Variants in COA1 observed in about 807,000 individuals in gnomAD.
COA1 encodes cytochrome c oxidase assembly factor 1 homolog.
In COA1, 13 loss-of-function variants were observed where a neutral mutation model predicts 16.0. The observed-to-expected ratio is 0.81, with a 90% confidence interval of 0.53 to 1.29. COA1 has a LOEUF of 1.29. COA1 is among the 50% of genes most tolerant of loss of function. The pLI is 0.00. For synonymous variants in COA1, 65 were observed against 65.7 expected, an observed-to-expected ratio of 0.99 and a Z score of 0.05; for missense variants, 179 against 177.0, an observed-to-expected ratio of 1.01 and a Z score of -0.06.
chr7:43,704,615 T>A (rs563963476), intron 1 of COA1, among the ~76,000 whole-genome samples: 1 of 152,242 alleles, frequency 6.6e-6, no homozygotes, highest in Non-Finnish European at 1.5e-5. Flanking sequence ...TATTAACACT[T>A]CCAATTGCAT....
intron 6 of COA1, among the ~76,000 whole-genome samples, chr7:43,610,634 T>C (rs1337067388): frequency 6.6e-6 from 1 of 152,092 alleles, no homozygotes; most frequent in Non-Finnish European, 1.5e-5. Context: ...GCCATTGCAC[T>C]CTAGCCTAGG....
intron 1 of COA1, chr7:43,649,933 G>T (rs1208381251): frequency 1.3e-5 from 2 of 152,286 alleles, no homozygotes; most frequent in African/African-American, 4.8e-5. Context: ...CAGGGCATCA[G>T]CGGAGGTTTC....
chr7:43,640,602 G>GACCT lies in COA1; in HGVS notation c.311_312insAGGT (p.His105GlyfsTer15), dbSNP rs766408635. 1 of 1,608,998 alleles carries GACCT rather than the reference G, an allele frequency of 6.2e-7. No individual in the cohort carries two copies. The highest frequency in any genetic ancestry group is 1.1e-5 in the South Asian group (1 of 90,064). ...GAAAGGGGCCACCTCTGGATGAGTG[G>GACCT]ACGTAGAGAAGGCCCTCTGATTTGG... On this transcript the variant is annotated frameshift_variant, in exon 5 of 6. Transcript: ENST00000223336. LOFTEE classifies it low-confidence loss of function (END_TRUNC).
At chr7:43,650,519 G>A (rs2090522351) in intron 1 of COA1, 1 of 152,134 alleles carries the variant, frequency 6.6e-6, no homozygotes, top group African/African-American at 2.4e-5. Flanking sequence ...TTTCCTCAAG[G>A]TGCCACATAT....
intron 1 of COA1, among the ~76,000 whole-genome samples, chr7:43,688,427 C>G (rs982589653): frequency 6.6e-6 from 1 of 152,018 alleles, no homozygotes; most frequent in African/African-American, 2.4e-5. Flanking sequence ...GTATTATGTA[C>G]CCTCAGAAGC....
At chr7:43,650,992 G>A (rs113187676) in intron 1 of COA1, among the ~76,000 whole-genome samples, 1 of 152,126 alleles carries the variant, frequency 6.6e-6, no homozygotes, top group African/African-American at 2.4e-5. Context: ...GGGGCAGCAG[G>A]GGCTCCTTTT....
intron 6 of COA1, chr7:43,623,447 C>A: frequency 1.4e-6 from 1 of 735,102 alleles, no homozygotes; most frequent in South Asian, 1.6e-5. Context: ...TTATGGTAAC[C>A]TTTCATTTTA....
chr7:43,616,821 T>C (rs2083395083), intron 6 of COA1, among the ~76,000 whole-genome samples: 1 of 152,040 alleles, frequency 6.6e-6, no homozygotes, highest in Non-Finnish European at 1.5e-5. Context: ...GGCCTGAACC[T>C]GGGAGGTGGA....
chr7:43,622,144 C>G (rs929974451), intron 6 of COA1: 22 of 152,204 alleles, frequency 1.4e-4, no homozygotes, highest in African/African-American at 5.1e-4. Flanking sequence ...ATTTCCTGTA[C>G]CCTTCCTCCC....
intron 1 of COA1, among the ~76,000 whole-genome samples, chr7:43,695,870 C>T (rs1400944050): frequency 6.6e-6 from 1 of 152,174 alleles, no homozygotes; most frequent in Non-Finnish European, 1.5e-5. Flanking sequence ...ATCCTAGACC[C>T]CAGGGCCTAC....
intron 1 of COA1, among the ~76,000 whole-genome samples, chr7:43,694,093 C>T (rs2094456025): frequency 6.7e-6 from 1 of 149,640 alleles, no homozygotes; most frequent in Admixed American, 6.7e-5. Flanking sequence ...TCTATGGATG[C>T]ATGCTCTGTG....
At chr7:43,644,734 A>T (rs2088367221) in intron 4 of COA1, among the ~76,000 whole-genome samples, 1 of 84,714 alleles carries the variant, frequency 1.2e-5, no homozygotes, top group Admixed American at 1.4e-4. Context: ...AGATAGATAG[A>T]TAGATAGATA....
chr7:43,728,026 G>A (rs576574676), intron 1 of COA1, among the ~76,000 whole-genome samples: 1 of 150,138 alleles, frequency 6.7e-6, no homozygotes, highest in Non-Finnish European at 1.5e-5. Flanking sequence ...CCAGGCTGGA[G>A]TGCAGTGGCG....
chr7:43,641,824 G>C (rs974398159), intron 4 of COA1: 3 of 152,176 alleles, frequency 2.0e-5, no homozygotes, highest in African/African-American at 7.2e-5. Flanking sequence ...AAAAAACAGT[G>C]AATGCAATAT....
At chr7:43,686,590 G>A (rs535647294) in intron 1 of COA1, among the ~76,000 whole-genome samples, 5 of 152,320 alleles carry the variant, frequency 3.3e-5, no homozygotes, top group Admixed American at 2.0e-4. Context: ...CACCGCGCCC[G>A]GCCGGCTTTG....
At chr7:43,623,370 A>G (rs1289316112) in intron 6 of COA1, 3 of 547,850 alleles carry the variant, frequency 5.5e-6, no homozygotes, top group East Asian at 3.2e-5. Context: ...AATGGTGGGT[A>G]GAAGTGTGAA....
At chr7:43,720,232 C>T (rs1428533852) in intron 1 of COA1, among the ~76,000 whole-genome samples, 6 of 151,732 alleles carry the variant, frequency 4.0e-5, no homozygotes, top group South Asian at 2.1e-4. Context: ...GAGCCAAGAT[C>T]GCACCACTGC....
At chr7:43,656,513 T>C (rs184371625) in intron 1 of COA1, among the ~76,000 whole-genome samples, 5 of 151,742 alleles carry the variant, frequency 3.3e-5, no homozygotes, top group Non-Finnish European at 5.9e-5. Context: ...CTGGCCAACA[T>C]GGTGAAACCC....
At chr7:43,644,785 GGCAGGC>G (rs1342110643) in intron 4 of COA1, among the ~76,000 whole-genome samples, 49 of 107,322 alleles carry the variant, frequency 4.6e-4, no homozygotes, top group African/African-American at 2.0e-3. Flanking sequence ...CAGGCAGGCA[GGCAGGC>G]AGAGAGACAG....
Sources: allele counts gnomAD v4.1 joint callset (sites outside exome capture counted in the v4.1 genomes callset), GRCh38; gene constraint gnomAD v4.1.1; transcripts MANE v1.5; gene names NCBI Gene and HGNC (gene_info 2026-07-23, HGNC 2026-07-21).